The following TEX35 variants were observed in gnomAD, a reference collection of about 807,000 sequenced individuals.
TEX35 encodes the protein testis-expressed protein 35.
A neutral mutation model predicts 31.9 loss-of-function variants in TEX35; 26 were observed. The ratio of observed to expected loss-of-function variants is 0.81; its 90% CI spans 0.60 to 1.13. The LOEUF is 1.13. Among genes scored for constraint, TEX35 ranks in the 50% most tolerant of loss-of-function variants. The probability of loss-of-function intolerance (pLI) is 0.00; values close to 1 mark genes in which losing one functional copy is unlikely to be tolerated. For missense variants in TEX35, 278 were observed against 273.5 expected, an observed-to-expected ratio of 1.02 and a Z score of -0.12; for synonymous variants, 87 against 90.7, an observed-to-expected ratio of 0.96 and a Z score of 0.23.
At chr1:178,521,324 C>CA in intron 8 of TEX35, 60 bp downstream of exon 8, 1 of 1,582,612 alleles carries the variant, frequency 6.3e-7, no homozygotes, top group Non-Finnish European at 8.7e-7. Context: ...GTCCCCAAGG[C>CA]CATGTGCTCC....
rs558657884 is a variant in TEX35, at chr1:178,522,319, C to T, written c.587-6C>T. 1.3e-5 allele frequency: 20 copies of T among 1,586,018 alleles called. No individual in the cohort carries two copies. Among genetic ancestry groups the T allele is most frequent in the African/African-American group, 2.7e-5 (2 of 74,588 alleles). On this transcript the variant is annotated splice_polypyrimidine_tract_variant and splice_region_variant and intron_variant, in intron 8 of 8. Coordinates refer to ENST00000319416, the MANE Select transcript of TEX35 (RefSeq NM_032126.5). ...AGGTTTCCTCTCCCTCCCTCCACCC[C>T]CAAAGGGAACATTCCTTCAGAGGCC...
intron 3 of TEX35, among the ~76,000 whole-genome samples, chr1:178,515,481 CATG>C (rs1650042910): frequency 1.3e-5 from 2 of 152,050 alleles, no homozygotes; most frequent in Admixed American, 1.3e-4. Flanking sequence ...TTGGATTCCT[CATG>C]ATGAGATTCA....
chr1:178,521,364 G>T, intron 8 of TEX35, 100 bp downstream of exon 8: 1 of 1,362,190 alleles, frequency 7.3e-7, no homozygotes, highest in Non-Finnish European at 1.1e-6. Flanking sequence ...CCCCTCCTGA[G>T]GTTGTGCCAG....
At chr1:178,520,960 C>G (rs756696909) in intron 7 of TEX35, 86 bp downstream of exon 7, 2 of 1,579,896 alleles carry the variant, frequency 1.3e-6, no homozygotes, top group Middle Eastern at 2.2e-4. Context: ...TGTGCTGTAT[C>G]ATAGTGAAGG....
In TEX35 at chr1:178,520,799, TCACAAGAAGACGATGGCAC is replaced by T. The variant is rs746852696; in HGVS notation, c.474_492del (p.Thr160GlnfsTer24). ...GAGTCAATGGAGCACCCTGTGCTCT[TCACAAGAAGACGATGGCAC>T]CACAAAAAACAAAACAGGGCTCACT... On this transcript the variant is annotated frameshift_variant, in exon 7 of 9. Transcript: ENST00000319416. LOFTEE classifies it high-confidence loss of function. The T allele has an allele frequency of 6.2e-7, 1 of 1,614,086 alleles. No homozygotes were observed. Among genetic ancestry groups the T allele is most frequent in the Admixed American group, 1.7e-5 (1 of 60,014 alleles).
chr1:178,521,805 A>C, intron 8 of TEX35: 1 of 1,545,448 alleles, frequency 6.5e-7, no homozygotes, highest in Non-Finnish European at 8.7e-7. Flanking sequence ...CCTTCATTCA[A>C]AGCCAAAGGG....
At chr1:178,523,394 T>C (rs561272973), downstream of TEX35, 1 of 588,256 alleles carries the variant, frequency 1.7e-6, no homozygotes, top group East Asian at 3.0e-5. Context: ...ATAGTGGCTG[T>C]ACTAATTTAC....
Position 178,514,916 on chromosome 1 carries a change from G to T in TEX35, c.159+148G>T. Reference sequence around the variant, plus strand: ...ATCAAAATCCAGAAGTTAACACACAGACAATACTCATCTATAGCCCTTGTT... The same window carrying T: ...ATCAAAATCCAGAAGTTAACACACATACAATACTCATCTATAGCCCTTGTT... On this transcript the variant is annotated intron_variant, in intron 3 of 8. Coordinates refer to ENST00000319416, the MANE Select transcript of TEX35 (RefSeq NM_032126.5). 6 of 680,552 alleles carry T rather than the reference G, an allele frequency of 8.8e-6. No individual in the cohort carries two copies. In the South Asian group the frequency reaches 1.1e-4, roughly 13 times the overall value. 42.2% of individuals were successfully genotyped at this position (680,552 alleles called of 1,614,324 possible).
In TEX35 at chr1:178,520,425, G is replaced by T; in HGVS notation, c.330G>T (p.Lys110Asn). 6.2e-7 allele frequency: 1 copy of T among 1,614,070 alleles called. No homozygotes were observed. The highest frequency in any genetic ancestry group is 1.1e-5 in the South Asian group (1 of 91,048). ...TGGACATTTTAATAAATACACAGAAGAACTATAAGCTGTAAGTGTAACCTG... is the reference window on the plus strand; with the variant it reads ...TGGACATTTTAATAAATACACAGAATAACTATAAGCTGTAAGTGTAACCTG... ...EKMDILINTQ[K>N]NYKLPLRRAP... The change falls in exon 6 of 9, where the codon AAG becomes AAT. Residue 110 changes from lysine (K) to asparagine (N), a missense_variant. Physicochemically the swap from Lys to Asn is moderately conservative, Grantham distance 94. Coordinates refer to ENST00000319416, the MANE Select transcript of TEX35 (RefSeq NM_032126.5).
chr1:178,513,560 C>A (rs1039764138), intron 1 of TEX35, among the ~76,000 whole-genome samples: 4 of 152,236 alleles, frequency 2.6e-5, no homozygotes, highest in African/African-American at 9.6e-5. Flanking sequence ...CTCAGAATAA[C>A]CTTATTAGAT....
At chr1:178,522,075 C>T in intron 8 of TEX35, 1 of 649,444 alleles carries the variant, frequency 1.5e-6, no homozygotes, top group Non-Finnish European at 2.5e-6. Context: ...TCAGGAGAGA[C>T]CCTGCTGCCT....
downstream of TEX35, among the ~76,000 whole-genome samples, chr1:178,522,893 G>A (rs1445900548): frequency 1.3e-5 from 2 of 152,120 alleles, no homozygotes; most frequent in East Asian, 1.9e-4. Context: ...TCAAATGGTA[G>A]GTCTAATTTA....
chr1:178,513,875 G>A, intron 1 of TEX35, 152 bp from the exon 2 acceptor site: 2 of 766,594 alleles, frequency 2.6e-6, no homozygotes, highest in Non-Finnish European at 4.2e-6. Flanking sequence ...TCCGGGTGCT[G>A]CGGGGTCTGT....
At chr1:178,515,279 T>C (rs571442775) in intron 3 of TEX35, among the ~76,000 whole-genome samples, 1 of 152,258 alleles carries the variant, frequency 6.6e-6, no homozygotes, top group African/African-American at 2.4e-5. Context: ...AGCTAATTTT[T>C]GTATTTTTAG....
At position 178,514,070 on chromosome 1, in the gene TEX35, C is replaced by A. The variant is rs199926250; in HGVS notation, c.83C>A (p.Pro28Gln). The A allele has an allele frequency of 3.7e-6, 6 of 1,614,196 alleles. No homozygotes were observed. The highest frequency in any genetic ancestry group is 3.4e-6 in the Non-Finnish European group (4 of 1,180,040). Residue 28 changes from proline to glutamine, a missense_variant, in exon 2 of 9, where the codon CCG becomes CAG. Physicochemically the swap from Pro to Gln is moderately conservative, Grantham distance 76. Transcript: ENST00000319416. ...KAVCLELKPE[P>Q]TKTFDYKAVK... ...GTTTGCCTGGAATTGAAGCCAGAGCCGACCAAAGTAAGAAGCCCTTTTGAG... is the reference window on the plus strand; with the variant it reads ...GTTTGCCTGGAATTGAAGCCAGAGCAGACCAAAGTAAGAAGCCCTTTTGAG...
At chr1:178,516,212 A>G (rs1650069130) in intron 4 of TEX35, among the ~76,000 whole-genome samples, 1 of 152,246 alleles carries the variant, frequency 6.6e-6, no homozygotes, top group African/African-American at 2.4e-5. Flanking sequence ...AGGGGAAGTC[A>G]GGGACCAACC....
chr1:178,516,244 C>T (rs1650071727), intron 4 of TEX35, among the ~76,000 whole-genome samples: 1 of 152,208 alleles, frequency 6.6e-6, no homozygotes, highest in South Asian at 2.1e-4. Flanking sequence ...ATTCACTTCC[C>T]CTGAGCAAGT....
chr1:178,513,352 A>C, intron 1 of TEX35, 125 bp downstream of exon 1: 1 of 1,246,046 alleles, frequency 8.0e-7, no homozygotes, highest in Non-Finnish European at 1.1e-6. Flanking sequence ...CTCTGTACTG[A>C]GCATAAAGCA....
intron 2 of TEX35, 188 bp downstream of exon 2, chr1:178,514,265 C>T (rs1432541251): frequency 4.6e-6 from 7 of 1,506,830 alleles, no homozygotes; most frequent in Non-Finnish European, 6.2e-6. Flanking sequence ...CGAACAAGGA[C>T]TCATTCAGCA....
Sources: allele counts gnomAD v4.1 joint callset (sites outside exome capture counted in the v4.1 genomes callset), GRCh38; gene constraint gnomAD v4.1.1; transcripts MANE v1.5; gene names NCBI Gene and HGNC (gene_info 2026-07-23, HGNC 2026-07-21).